MSH4: variants seen among roughly 807,000 people sequenced by gnomAD.
MSH4 encodes the protein mutS homolog 4, also known as mutS protein homolog 4.
In MSH4, 106 loss-of-function variants were observed where a neutral mutation model predicts 113.7. The observed-to-expected ratio is 0.93, with a 90% CI of 0.80 to 1.10. The LOEUF (loss-of-function observed/expected upper bound fraction) is 1.10, where lower values mean the gene tolerates loss of function less well. MSH4 is among the 50% of genes least tolerant of loss of function. MSH4 has a pLI of 0.00. For missense variants in MSH4, 1,061 were observed against 1,093.7 expected (o/e 0.97, Z 0.42); for synonymous variants, 368 against 380.2 (o/e 0.97, Z 0.37).
At position 75,877,001 on chromosome 1, in the gene MSH4, G is replaced by T; in HGVS notation, c.1370+1G>T. 1 of 1,536,234 alleles carries T rather than the reference G, an allele frequency of 6.5e-7. No individual in the cohort carries two copies. On this transcript the variant is annotated splice_donor_variant, in intron 10 of 19. Coordinates refer to ENST00000263187, the MANE Select transcript of MSH4 (RefSeq NM_002440.4). LOFTEE classifies it high-confidence loss of function. ...ACTATGGTTCCTTGGAAGACAAGAG[G>T]TCTTTGTCACTCAACCGTTAATAAA... is the stretch of plus-strand genomic sequence containing the variant.
intron 1 of MSH4, among the ~76,000 whole-genome samples, chr1:75,799,851 G>A (rs990817914): frequency 8.5e-5 from 13 of 152,146 alleles, no homozygotes; most frequent in African/African-American, 3.1e-4. Flanking sequence ...AAATTTTAGA[G>A]GGAAGATGAT....
chr1:75,840,612 T>C lies in MSH4; in HGVS notation c.1163-7597T>C, dbSNP rs559881792. Among the ~76,000 whole-genome samples, 282 of 150,656 alleles carry C rather than the reference T, an allele frequency of 1.9e-3. 1 individual carries two copies. Among genetic ancestry groups the C allele is most frequent in the Non-Finnish European group, 2.9e-3 (199 of 67,706 alleles). On this transcript the variant is annotated intron_variant, in intron 7 of 19. Coordinates refer to ENST00000263187, the MANE Select transcript of MSH4 (RefSeq NM_002440.4). ...GCAGCACACCAGCATGGTACATGTA[T>C]ACATATGTAACTAACCTGCACATTG...
At chr1:75,861,715 A>G (rs1211286407) in intron 8 of MSH4, among the ~76,000 whole-genome samples, 2 of 152,192 alleles carry the variant, frequency 1.3e-5, no homozygotes, top group Non-Finnish European at 2.9e-5. Flanking sequence ...GTCAGGCTAC[A>G]CAGGGATCAG....
chr1:75,864,675 A>G (rs1391724105), intron 8 of MSH4, among the ~76,000 whole-genome samples: 1 of 152,036 alleles, frequency 6.6e-6, no homozygotes, highest in Admixed American at 6.5e-5. Flanking sequence ...TCATTTTTCT[A>G]TTTGGTTTAT....
chr1:75,852,640 C>T (rs7521344), intron 8 of MSH4, among the ~76,000 whole-genome samples: 113,345 of 152,000 alleles, frequency 0.75, 42,487 homozygotes, highest in East Asian at 0.98. Flanking sequence ...CATCTTTTTA[C>T]ATGCTTATTG....
chr1:75,813,473 C>A (rs145640789), intron 4 of MSH4, among the ~76,000 whole-genome samples: 3 of 152,222 alleles, frequency 2.0e-5, no homozygotes, highest in African/African-American at 4.8e-5. Flanking sequence ...CACTTAACTT[C>A]TTGGAGCTTC....
At chr1:75,888,305 A>G (rs1304281250) in intron 15 of MSH4, among the ~76,000 whole-genome samples, 1 of 151,464 alleles carries the variant, frequency 6.6e-6, no homozygotes, top group African/African-American at 2.4e-5. Context: ...CTATTTGTAT[A>G]TTTTATCTTC....
chr1:75,875,391 A>G (rs1048583229), intron 9 of MSH4, among the ~76,000 whole-genome samples: 3 of 152,220 alleles, frequency 2.0e-5, no homozygotes, highest in African/African-American at 7.2e-5. Flanking sequence ...AGTTTTTGTT[A>G]AGCAAAATAA....
At chr1:75,893,464 G>A (rs914908639) in intron 17 of MSH4, among the ~76,000 whole-genome samples, 1 of 152,126 alleles carries the variant, frequency 6.6e-6, no homozygotes, top group Admixed American at 6.6e-5. Context: ...TGAACCTGGG[G>A]ACATTTAGGC....
At chr1:75,857,622 C>A (rs577778922) in intron 8 of MSH4, among the ~76,000 whole-genome samples, 1 of 152,182 alleles carries the variant, frequency 6.6e-6, no homozygotes, top group African/African-American at 2.4e-5. Context: ...ATTTCTGAGG[C>A]CTCCGTTCTG....
chr1:75,906,550 A>ATAATATATT (rs1553140456), intron 19 of MSH4, among the ~76,000 whole-genome samples: 3 of 15,920 alleles, frequency 1.9e-4, no homozygotes, highest in African/African-American at 6.9e-4. Flanking sequence ...TATAATATAT[A>ATAATATATT]ATATATTATA....
chr1:75,886,753 A>C (rs1015144375), intron 15 of MSH4, among the ~76,000 whole-genome samples: 1 of 140,172 alleles, frequency 7.1e-6, no homozygotes, highest in African/African-American at 2.6e-5. Flanking sequence ...TATATACATT[A>C]TATATAAAAT....
At position 75,912,630 on chromosome 1, in the gene MSH4, T is replaced by C. The variant is rs531570520; in HGVS notation, c.2620-66T>C. The C allele has an allele frequency of 2.9e-6, 3 of 1,034,514 alleles. No individual in the cohort carries two copies. In the East Asian group the frequency reaches 9.9e-5, roughly 34 times the overall value. 64.1% of individuals were successfully genotyped at this position (1,034,514 alleles called of 1,614,324 possible). A position where few individuals can be genotyped will look rare whatever the true frequency, so the allele number is the denominator to read the frequency against. ...GGAAGGAGATAGAATATTGCCAACA[T>C]GTGGTTTAAATAAAAATTATGGTAT... On this transcript the variant is annotated intron_variant, in intron 19 of 19. Coordinates refer to ENST00000263187, the MANE Select transcript of MSH4 (RefSeq NM_002440.4).
chr1:75,846,304 A>C (rs1346910472), intron 7 of MSH4, among the ~76,000 whole-genome samples: 1 of 152,204 alleles, frequency 6.6e-6, no homozygotes, highest in African/African-American at 2.4e-5. Flanking sequence ...CCAAACATAC[A>C]TTTTATGTGG....
At chr1:75,887,691 T>C (rs1011601245) in intron 15 of MSH4, among the ~76,000 whole-genome samples, 17 of 152,138 alleles carry the variant, frequency 1.1e-4, no homozygotes, top group African/African-American at 3.6e-4. Flanking sequence ...TTCAAACCCA[T>C]GCAGCCTGAC....
At chr1:75,853,088 A>G (rs1452601966) in intron 8 of MSH4, among the ~76,000 whole-genome samples, 1 of 151,610 alleles carries the variant, frequency 6.6e-6, no homozygotes, top group Non-Finnish European at 1.5e-5. Flanking sequence ...TGTTTGAGAC[A>G]GAGTTTCACT....
At chr1:75,834,768 G>A (rs1055112920) in intron 7 of MSH4, among the ~76,000 whole-genome samples, 1 of 152,128 alleles carries the variant, frequency 6.6e-6, no homozygotes, top group Non-Finnish European at 1.5e-5. Context: ...CCACACACCA[G>A]GGTCTGTCGT....
At chr1:75,808,060 A>C (rs564981516) in intron 3 of MSH4, among the ~76,000 whole-genome samples, 24 of 152,334 alleles carry the variant, frequency 1.6e-4, no homozygotes, top group African/African-American at 5.5e-4. Context: ...TGATAAATGA[A>C]GACATGTCCT....
chr1:75,825,436 C>T (rs536510051), intron 7 of MSH4, among the ~76,000 whole-genome samples: 1 of 152,226 alleles, frequency 6.6e-6, no homozygotes, highest in East Asian at 1.9e-4. Flanking sequence ...TTCTCTCTTC[C>T]TATATGAATA....
Sources: gnomAD v4.1 joint callset for allele counts (sites outside exome capture counted in the v4.1 genomes callset) on GRCh38, gnomAD v4.1.1 for gene constraint, MANE v1.5 for transcripts, NCBI Gene and HGNC (gene_info 2026-07-23, HGNC 2026-07-21) for gene names.